The following DIAPH3 variants were observed in gnomAD, a reference collection of about 807,000 sequenced individuals.
The protein encoded by DIAPH3 is protein diaphanous homolog 3.
Under a neutral mutation model 144.3 loss-of-function variants are expected in DIAPH3, and 117 were observed. The ratio of observed to expected loss-of-function variants is 0.81; its 90% CI spans 0.70 to 0.95. The LOEUF (loss-of-function observed/expected upper bound fraction) is 0.95, where lower values mean the gene tolerates loss of function less well. DIAPH3 is among the 40% of genes least tolerant of loss of function. The probability of loss-of-function intolerance (pLI) is 0.00; values close to 1 mark genes in which losing one functional copy is unlikely to be tolerated. For synonymous variants in DIAPH3, 519 were observed against 488.9 expected (o/e 1.06, Z -0.81); for missense variants, 1,421 against 1,412.7 (o/e 1.01, Z -0.09).
intron 20 of DIAPH3, among the ~76,000 whole-genome samples, chr13:59,884,893 G>T (rs2045335591): frequency 1.3e-5 from 2 of 151,526 alleles, no homozygotes; most frequent in Admixed American, 6.6e-5. Flanking sequence ...CTATGCTAAA[G>T]TTATTTAAGA....
chr13:60,054,051 T>C (rs2141259798), intron 4 of DIAPH3, among the ~76,000 whole-genome samples: 1 of 152,206 alleles, frequency 6.6e-6, no homozygotes, highest in African/African-American at 2.4e-5. Context: ...ACTACTCCAA[T>C]CACTGTAGAC....
At chr13:59,779,679 T>C (rs936284104) in intron 25 of DIAPH3, among the ~76,000 whole-genome samples, 79 of 151,958 alleles carry the variant, frequency 5.2e-4, no homozygotes, top group African/African-American at 1.9e-3. Flanking sequence ...GCCCACCTAA[T>C]TTTTGCATTT....
chr13:60,024,478 T>G (rs1440646582), intron 5 of DIAPH3, among the ~76,000 whole-genome samples: 3 of 152,372 alleles, frequency 2.0e-5, no homozygotes, highest in Admixed American at 2.0e-4. Context: ...CCTGTATTTC[T>G]TTGCTGAGAC....
At chr13:59,839,730 G>A (rs1263457652) in intron 22 of DIAPH3, among the ~76,000 whole-genome samples, 1 of 152,008 alleles carries the variant, frequency 6.6e-6, no homozygotes, top group East Asian at 1.9e-4. Context: ...CTTGACCATT[G>A]GAAATACTAC....
chr13:59,812,132 C>A (rs1035947570), intron 24 of DIAPH3, among the ~76,000 whole-genome samples: 8 of 152,060 alleles, frequency 5.3e-5, no homozygotes, highest in Non-Finnish European at 5.9e-5. Context: ...TATTTTAACC[C>A]TAGAGTTAGT....
chr13:60,050,262 T>A (rs2056274257), intron 4 of DIAPH3, among the ~76,000 whole-genome samples: 1 of 151,874 alleles, frequency 6.6e-6, no homozygotes, highest in African/African-American at 2.4e-5. Flanking sequence ...GGAGAGGACA[T>A]GGGAAAGCTG....
At chr13:59,851,119 ACTC>A (rs1166895053) in intron 22 of DIAPH3, among the ~76,000 whole-genome samples, 3 of 151,774 alleles carry the variant, frequency 2.0e-5, no homozygotes, top group East Asian at 3.9e-4. Context: ...TTGATGCAAA[ACTC>A]CTCAATAAAA....
chr13:60,078,795 C>T (rs1437669692), intron 4 of DIAPH3, among the ~76,000 whole-genome samples: 1 of 151,466 alleles, frequency 6.6e-6, no homozygotes, highest in Non-Finnish European at 1.5e-5. Flanking sequence ...TATATATTAG[C>T]TTAGTAACAT....
intron 2 of DIAPH3, among the ~76,000 whole-genome samples, chr13:60,115,495 A>C (rs931451812): frequency 6.6e-5 from 10 of 152,228 alleles, no homozygotes; most frequent in East Asian, 1.9e-4. Flanking sequence ...GCTCACCGGA[A>C]TAGCAACCAG....
intron 22 of DIAPH3, among the ~76,000 whole-genome samples, chr13:59,859,038 T>C (rs1031416130): frequency 7.9e-5 from 12 of 152,184 alleles, no homozygotes; most frequent in Non-Finnish European, 1.8e-4. Context: ...TAAATGATGA[T>C]ATATAACACG....
In DIAPH3 at chr13:59,754,689, A is replaced by C. The variant is rs146525959; in HGVS notation, c.3319+19500T>G. Among the ~76,000 whole-genome samples, 525 of 152,356 alleles carry C rather than the reference A, an allele frequency of 3.4e-3. 2 individuals are homozygous for C. Among genetic ancestry groups the C allele is most frequent in the Non-Finnish European group, 5.6e-3 (379 of 68,012 alleles). On this transcript the variant is annotated intron_variant, in intron 27 of 27. Coordinates refer to ENST00000400324, the MANE Select transcript of DIAPH3 (RefSeq NM_001042517.2). ...TGGAAGGTTCCACATTAGCTTAATT[A>C]GTCACTGAAGAAGGTAGATCTGAGA... is the stretch of plus-strand genomic sequence containing the variant.
intron 24 of DIAPH3, among the ~76,000 whole-genome samples, chr13:59,817,296 A>G (rs1231076567): frequency 6.6e-6 from 1 of 151,864 alleles, no homozygotes; most frequent in Non-Finnish European, 1.5e-5. Flanking sequence ...CTTTGTTGAC[A>G]TTTCCTAACA....
chr13:59,748,744 G>A (rs2036831007), intron 27 of DIAPH3, among the ~76,000 whole-genome samples: 1 of 152,128 alleles, frequency 6.6e-6, no homozygotes, highest in Non-Finnish European at 1.5e-5. Flanking sequence ...CCAACCTCTA[G>A]ATGTCTGTAA....
chr13:59,687,874 A>C (rs981790519), intron 27 of DIAPH3, among the ~76,000 whole-genome samples: 4 of 152,046 alleles, frequency 2.6e-5, no homozygotes, highest in African/African-American at 9.7e-5. Context: ...AACAACTAAA[A>C]CTTTAATACT....
intron 4 of DIAPH3, among the ~76,000 whole-genome samples, chr13:60,090,822 C>T (rs2057904467): frequency 6.6e-6 from 1 of 152,178 alleles, no homozygotes; most frequent in African/African-American, 2.4e-5. Context: ...TGATCCTCCA[C>T]ACACTAATTA....
At chr13:59,711,429 T>C (rs536916670) in intron 27 of DIAPH3, among the ~76,000 whole-genome samples, 1 of 152,210 alleles carries the variant, frequency 6.6e-6, no homozygotes, top group South Asian at 2.1e-4. Context: ...TCTCACTGAC[T>C]CAATGACTTC....
chr13:60,046,494 T>G (rs192372419), intron 4 of DIAPH3, among the ~76,000 whole-genome samples: 26 of 152,226 alleles, frequency 1.7e-4, no homozygotes, highest in Admixed American at 5.9e-4. Flanking sequence ...AGAGGATGTG[T>G]AGAAATAGGA....
At chr13:59,725,335 C>A (rs1043680837) in intron 27 of DIAPH3, among the ~76,000 whole-genome samples, 4 of 152,110 alleles carry the variant, frequency 2.6e-5, no homozygotes, top group Admixed American at 6.6e-5. Flanking sequence ...TATGGGACTT[C>A]TTATTATCAA....
intron 27 of DIAPH3, among the ~76,000 whole-genome samples, chr13:59,673,324 C>T (rs1245302606): frequency 6.6e-6 from 1 of 152,208 alleles, no homozygotes; most frequent in African/African-American, 2.4e-5. Flanking sequence ...TTGCTCCTTA[C>T]AATATTACCC....
Sources: gnomAD v4.1 joint callset for allele counts (sites outside exome capture counted in the v4.1 genomes callset) on GRCh38, gnomAD v4.1.1 for gene constraint, MANE v1.5 for transcripts, NCBI Gene and HGNC (gene_info 2026-07-23, HGNC 2026-07-21) for gene names.